CDH13: variants seen among roughly 807,000 people sequenced by gnomAD.
CDH13 encodes cadherin 13.
Under a neutral mutation model 63.8 loss-of-function variants are expected in CDH13, and 24 were observed. That is an observed-to-expected ratio of 0.38 (90% CI 0.27 to 0.53). CDH13 has a LOEUF of 0.53. CDH13 is among the 20% of genes least tolerant of loss of function. CDH13 has a pLI of 0.85. For missense variants in CDH13, 1,049 were observed against 903.1 expected (o/e 1.16, Z -2.07); for synonymous variants, 503 against 355.3 (o/e 1.42, Z -4.67).
intron 4 of CDH13, among the ~76,000 whole-genome samples, chr16:83,146,504 C>G (rs1383207409): frequency 6.6e-6 from 1 of 152,238 alleles, no homozygotes; most frequent in Non-Finnish European, 1.5e-5. Context: ...CTATCTAAGG[C>G]TGGGGCAGGA....
chr16:83,034,434 C>G (rs1050889080), intron 3 of CDH13, among the ~76,000 whole-genome samples: 2 of 152,130 alleles, frequency 1.3e-5, no homozygotes, highest in African/African-American at 4.8e-5. Flanking sequence ...TGAATTCATA[C>G]CAGTGTGGAA....
chr16:83,132,833 C>T (rs2151659193), intron 4 of CDH13, among the ~76,000 whole-genome samples: 1 of 152,292 alleles, frequency 6.6e-6, no homozygotes, highest in East Asian at 1.9e-4. Context: ...TGCCTAAAGG[C>T]TCAGTGCTCA....
intron 6 of CDH13, among the ~76,000 whole-genome samples, chr16:83,485,459 T>C (rs2073864575): frequency 6.6e-6 from 1 of 152,190 alleles, no homozygotes; most frequent in African/African-American, 2.4e-5. Flanking sequence ...CTCTTGCTTG[T>C]TTGTGAGTGA....
At chr16:82,658,748 G>A (rs909034509) in intron 1 of CDH13, among the ~76,000 whole-genome samples, 4 of 152,216 alleles carry the variant, frequency 2.6e-5, no homozygotes, top group African/African-American at 9.6e-5. Context: ...TCATTTGAAT[G>A]TGTGCCCAGT....
At chr16:83,109,643 A>G (rs2034963579) in intron 3 of CDH13, among the ~76,000 whole-genome samples, 1 of 152,198 alleles carries the variant, frequency 6.6e-6, no homozygotes, top group South Asian at 2.1e-4. Context: ...CACATCTGGA[A>G]TACATGCGCA....
intron 3 of CDH13, among the ~76,000 whole-genome samples, chr16:83,064,215 A>G (rs562243161): frequency 6.6e-6 from 1 of 152,308 alleles, no homozygotes; most frequent in South Asian, 2.1e-4. Context: ...TCAAAAATAC[A>G]AAAATTAGCT....
chr16:83,357,590 A>G (rs139415052), intron 6 of CDH13, among the ~76,000 whole-genome samples: 78 of 152,182 alleles, frequency 5.1e-4, no homozygotes, highest in African/African-American at 1.8e-3. Flanking sequence ...TTCCCAGGAG[A>G]CACTTTGGGT....
At chr16:83,060,800 G>C (rs2031471152) in intron 3 of CDH13, among the ~76,000 whole-genome samples, 1 of 152,146 alleles carries the variant, frequency 6.6e-6, no homozygotes, top group African/African-American at 2.4e-5. Context: ...TTCACAGTCT[G>C]CTGTGAACCC....
chr16:82,720,229 G>T (rs1363078770), intron 1 of CDH13, among the ~76,000 whole-genome samples: 2 of 152,122 alleles, frequency 1.3e-5, no homozygotes, highest in African/African-American at 2.4e-5. Flanking sequence ...AAAATTGTCA[G>T]GGGCACCTCC....
At chr16:83,694,235 C>T (rs946552686) in intron 10 of CDH13, among the ~76,000 whole-genome samples, 1 of 152,188 alleles carries the variant, frequency 6.6e-6, no homozygotes, top group African/African-American at 2.4e-5. Context: ...TTAGGCTTCC[C>T]ATGCAATGAA....
chr16:83,776,158 A>G (rs532720384), intron 11 of CDH13, among the ~76,000 whole-genome samples: 1 of 152,330 alleles, frequency 6.6e-6, no homozygotes, highest in South Asian at 2.1e-4. Flanking sequence ...CACATAGGAA[A>G]TTGAAGACAG....
At chr16:82,747,105 T>C (rs1567493632) in intron 1 of CDH13, among the ~76,000 whole-genome samples, 1 of 152,216 alleles carries the variant, frequency 6.6e-6, no homozygotes, top group Non-Finnish European at 1.5e-5. Flanking sequence ...CAATGAGTTT[T>C]ATTTCCAGTG....
chr16:83,517,021 G>C (rs1016054977), intron 7 of CDH13, among the ~76,000 whole-genome samples: 1 of 152,178 alleles, frequency 6.6e-6, no homozygotes, highest in African/African-American at 2.4e-5. Context: ...ACTGAAAAAA[G>C]TCTGGATACA....
intron 7 of CDH13, among the ~76,000 whole-genome samples, chr16:83,548,290 C>T (rs1197937279): frequency 6.6e-6 from 1 of 152,172 alleles, no homozygotes; most frequent in Admixed American, 6.5e-5. Context: ...TTCCAAGGAA[C>T]ACCTGGAAAT....
At chr16:83,475,810 C>G (rs1464020293) in intron 6 of CDH13, among the ~76,000 whole-genome samples, 1 of 152,178 alleles carries the variant, frequency 6.6e-6, no homozygotes, top group South Asian at 2.1e-4. Flanking sequence ...GTCTTGGACT[C>G]CTGACCTCGG....
At chr16:83,026,749 T>C (rs1277592517) in intron 2 of CDH13, among the ~76,000 whole-genome samples, 8 of 152,120 alleles carry the variant, frequency 5.3e-5, no homozygotes, top group Non-Finnish European at 1.2e-4. Context: ...CAGGGACCAC[T>C]CAATAAATAG....
chr16:82,672,521 C>G (rs7198915), intron 1 of CDH13, among the ~76,000 whole-genome samples: 1 of 151,804 alleles, frequency 6.6e-6, no homozygotes, highest in Non-Finnish European at 1.5e-5. Flanking sequence ...GGATTCGAAA[C>G]GTCCAGTATC....
intron 5 of CDH13, among the ~76,000 whole-genome samples, chr16:83,328,534 G>A (rs1486620184): frequency 6.6e-6 from 1 of 152,196 alleles, no homozygotes; most frequent in Non-Finnish European, 1.5e-5. Context: ...GTGGAAACCT[G>A]TGTGGTGAAT....
chr16:82,969,531 A>G (rs557163310), intron 2 of CDH13, among the ~76,000 whole-genome samples: 1 of 145,384 alleles, frequency 6.9e-6, no homozygotes, highest in South Asian at 2.2e-4. Context: ...GGAAGAGTGG[A>G]AAGATGATGG....
Sources: allele counts gnomAD v4.1 joint callset (sites outside exome capture counted in the v4.1 genomes callset), GRCh38; gene constraint gnomAD v4.1.1; transcripts MANE v1.5; gene names NCBI Gene and HGNC (gene_info 2026-07-23, HGNC 2026-07-21).